ZDHHC14: variants seen among roughly 807,000 people sequenced by gnomAD.
ZDHHC14 encodes the protein palmitoyltransferase ZDHHC14.
In ZDHHC14, 16 loss-of-function variants were observed where a neutral mutation model predicts 47.7. The ratio of observed to expected loss-of-function variants is 0.34; its 90% CI spans 0.23 to 0.51. The LOEUF is 0.51. ZDHHC14 is among the 20% of genes least tolerant of loss of function. The pLI, the probability that ZDHHC14 is intolerant of heterozygous loss-of-function variation, is 0.97. For missense variants in ZDHHC14, 515 were observed against 662.5 expected (o/e 0.78, Z 2.44); for synonymous variants, 293 against 278.9 (o/e 1.05, Z -0.50).
chr6:157,488,909 G>A (rs1779844612), intron 1 of ZDHHC14, among the ~76,000 whole-genome samples: 1 of 152,218 alleles, frequency 6.6e-6, no homozygotes, highest in African/African-American at 2.4e-5. Context: ...CAGCAATCAT[G>A]CCACCCATTT....
In ZDHHC14 at chr6:157,642,068, A is replaced by AGATAGATG. The variant is rs1377233511; in HGVS notation, c.753-3668_753-3667insATAGATGG. The stretch of plus-strand genomic sequence containing the variant: ...TAGATAGATAGATAGATAGATAGAT[A>AGATAGATG]GTTATCATGTTGGAAATTAGAACTA... On this transcript the variant is annotated intron_variant, in intron 5 of 8. Coordinates refer to ENST00000359775, the MANE Select transcript of ZDHHC14 (RefSeq NM_024630.3). Among the ~76,000 whole-genome samples, 11 of 152,224 alleles carry AGATAGATG rather than the reference A, an allele frequency of 7.2e-5. No individual in the cohort carries two copies. The South Asian group carries it at 2.3e-3, about 32-fold the overall frequency.
intron 1 of ZDHHC14, among the ~76,000 whole-genome samples, chr6:157,460,870 G>A (rs548877046): frequency 6.6e-6 from 1 of 152,270 alleles, no homozygotes; most frequent in African/African-American, 2.4e-5. Context: ...CTTCTTACAC[G>A]GTCCTAGGCC....
intron 2 of ZDHHC14, among the ~76,000 whole-genome samples, chr6:157,555,704 C>T (rs1441060844): frequency 5.9e-5 from 9 of 152,208 alleles, no homozygotes; most frequent in Admixed American, 5.9e-4. Context: ...GCAGGGTTTA[C>T]AGCCCCTGCC....
intron 3 of ZDHHC14, among the ~76,000 whole-genome samples, chr6:157,597,156 A>G (rs1784166106): frequency 6.6e-6 from 1 of 152,164 alleles, no homozygotes; most frequent in African/African-American, 2.4e-5. Context: ...AGGTTACGGA[A>G]TATTTTTAAA....
chr6:157,477,522 T>A (rs796254485), intron 1 of ZDHHC14, among the ~76,000 whole-genome samples: 6 of 152,374 alleles, frequency 3.9e-5, no homozygotes, highest in African/African-American at 1.4e-4. Context: ...AATCCATAAA[T>A]GTAGAAATGT....
At chr6:157,595,013 T>C (rs894304109) in intron 3 of ZDHHC14, among the ~76,000 whole-genome samples, 1 of 152,130 alleles carries the variant, frequency 6.6e-6, no homozygotes, top group African/African-American at 2.4e-5. Flanking sequence ...TCTAATGCCT[T>C]ATTCTAGACT....
At chr6:157,565,646 G>A (rs771461222) in intron 2 of ZDHHC14, among the ~76,000 whole-genome samples, 4 of 151,930 alleles carry the variant, frequency 2.6e-5, no homozygotes, top group East Asian at 1.9e-4. Flanking sequence ...TGGAGAAACC[G>A]TGTCTTTACT....
chr6:157,639,040 C>T (rs759039967), intron 5 of ZDHHC14, among the ~76,000 whole-genome samples: 7 of 152,264 alleles, frequency 4.6e-5, no homozygotes, highest in South Asian at 2.1e-4. Context: ...GCAGGGTGCC[C>T]GCTTTGGCTG....
At chr6:157,640,166 A>G (rs1377489547) in intron 5 of ZDHHC14, among the ~76,000 whole-genome samples, 1 of 152,216 alleles carries the variant, frequency 6.6e-6, no homozygotes, top group Non-Finnish European at 1.5e-5. Flanking sequence ...CCTGCCTATC[A>G]ACACTCATTT....
chr6:157,585,805 A>G (rs1052814315), intron 2 of ZDHHC14, among the ~76,000 whole-genome samples: 1 of 152,258 alleles, frequency 6.6e-6, no homozygotes, highest in Non-Finnish European at 1.5e-5. Context: ...CTGGATCAGC[A>G]GCAGCTTGTG....
intron 1 of ZDHHC14, among the ~76,000 whole-genome samples, chr6:157,534,200 T>C (rs1562466435): frequency 6.6e-6 from 1 of 152,146 alleles, no homozygotes; most frequent in African/African-American, 2.4e-5. Flanking sequence ...CCCTGGACGC[T>C]TGGTATGTGC....
intron 1 of ZDHHC14, among the ~76,000 whole-genome samples, chr6:157,522,840 CCTT>C (rs1780989243): frequency 3.1e-5 from 1 of 32,302 alleles, no homozygotes; most frequent in African/African-American, 2.4e-4. Flanking sequence ...TCCCTCCCTT[CCTT>C]CCTTCCTTTC....
intron 1 of ZDHHC14, among the ~76,000 whole-genome samples, chr6:157,541,431 A>G (rs1434075441): frequency 1.3e-5 from 2 of 152,112 alleles, no homozygotes; most frequent in Non-Finnish European, 2.9e-5. Flanking sequence ...CAGGGCTTCC[A>G]AGACCAAGAG....
intron 3 of ZDHHC14, among the ~76,000 whole-genome samples, chr6:157,612,677 T>C (rs1425045961): frequency 6.6e-6 from 1 of 152,182 alleles, no homozygotes; most frequent in Non-Finnish European, 1.5e-5. Context: ...GCCAGGCCTG[T>C]GTCAGTTTCC....
chr6:157,573,206 T>C lies in ZDHHC14; in HGVS notation c.407-19782T>C, dbSNP rs563875742. Among the ~76,000 whole-genome samples the C allele has an allele frequency of 5.9e-5, 9 of 152,266 alleles. No homozygotes were observed. In the South Asian group the frequency reaches 1.7e-3, roughly 28 times the overall value. ...ATCTTTCCCACCACTTACACCCTCTTGCCAGCTGTTGAGGAGCTCTGGGGA... is the reference window on the plus strand; with the variant it reads ...ATCTTTCCCACCACTTACACCCTCTCGCCAGCTGTTGAGGAGCTCTGGGGA... On this transcript the variant is annotated intron_variant, in intron 2 of 8. Coordinates refer to ENST00000359775, the MANE Select transcript of ZDHHC14 (RefSeq NM_024630.3).
intron 1 of ZDHHC14, among the ~76,000 whole-genome samples, chr6:157,442,203 G>T (rs1393947059): frequency 6.6e-6 from 1 of 152,008 alleles, no homozygotes; most frequent in Non-Finnish European, 1.5e-5. Flanking sequence ...ACAAGCCTAG[G>T]CAACATGGTG....
Position 157,414,680 on chromosome 6 carries a change from T to A in ZDHHC14, c.245+32414T>A, listed in dbSNP as rs545761990. 3.1e-4 allele frequency among the ~76,000 whole-genome samples: 47 copies of A among 152,312 alleles called. 1 individual carries two copies. The highest frequency in any genetic ancestry group is 1.1e-3 in the African/African-American group (47 of 41,566). On this transcript the variant is annotated intron_variant, in intron 1 of 8. Coordinates refer to ENST00000359775, the MANE Select transcript of ZDHHC14 (RefSeq NM_024630.3). ...CCACCACTGGGCACAGGGAGCCTAG[T>A]TTAGGGTCTTTGCAATGTCAGAGGA... is the stretch of plus-strand genomic sequence containing the variant.
chr6:157,645,720 T>A lies in ZDHHC14; in HGVS notation c.753-17T>A. 1 of 1,611,350 alleles carries A rather than the reference T, an allele frequency of 6.2e-7. No homozygotes were observed. The highest frequency in any genetic ancestry group is 8.5e-7 in the Non-Finnish European group (1 of 1,178,418). On this transcript the variant is annotated splice_polypyrimidine_tract_variant and intron_variant, in intron 5 of 8. Transcript: ENST00000359775. ...GCGCGGTCCCTCACTTCCGCTTGCC[T>A]CCTTGACTCGCATCACCGTCCTGGA...
chr6:157,502,614 T>C lies in ZDHHC14; in HGVS notation c.246-39971T>C, dbSNP rs566807085. 6.6e-6 allele frequency among the ~76,000 whole-genome samples: 1 copy of C among 152,352 alleles called. No homozygotes were observed. The highest frequency in any genetic ancestry group is 1.5e-5 in the Non-Finnish European group (1 of 68,030). ...TCTATACATGTCCACCTGTTGCTAC[T>C]GCCCAGCTGCCCACATGTGCTAGTA... On this transcript the variant is annotated intron_variant, in intron 1 of 8. Transcript: ENST00000359775. This position sits in a 1 kb window ranked among gnomAD's most constrained non-coding sequence, Gnocchi z 4.0.
Sources: gnomAD v4.1 joint callset for allele counts (sites outside exome capture counted in the v4.1 genomes callset) on GRCh38, gnomAD v4.1.1 for gene constraint, Gnocchi (gnomAD v3.1) non-coding constraint, MANE v1.5 for transcripts, NCBI Gene and HGNC (gene_info 2026-07-23, HGNC 2026-07-21) for gene names.